The following ELF1 variants were observed in gnomAD, a reference collection of about 807,000 sequenced individuals.
The protein encoded by ELF1 is E74 like ETS transcription factor 1.
A neutral mutation model predicts 59.9 loss-of-function variants in ELF1; 24 were observed. The observed-to-expected ratio is 0.40, with a 90% CI of 0.29 to 0.56. The LOEUF (loss-of-function observed/expected upper bound fraction) is 0.56. ELF1 is among the 20% of genes least tolerant of loss of function. ELF1 has a pLI of 0.44. For missense variants in ELF1, 627 were observed against 742.2 expected (o/e 0.84, Z 1.80); for synonymous variants, 248 against 266.2 (o/e 0.93, Z 0.67).
rs1177462179 is a variant in ELF1 at position 40,994,728 on chromosome 13, G to C, written c.-228-12446C>G. ...TTCATTAAAAAGAAAACATAAACAT[G>C]CTAAAACGTCTTTATCAGCAAAACC... On this transcript the variant is annotated intron_variant, in intron 1 of 8. Transcript: ENST00000239882. Among the ~76,000 whole-genome samples the C allele has an allele frequency of 1.1e-4, 17 of 152,274 alleles. No individual in the cohort carries two copies. In the South Asian group the frequency reaches 3.3e-3, roughly 30 times the overall value.
chr13:41,060,907 C>T (rs1419324852), exon 1 of ELF1: 1 of 287,332 alleles, frequency 3.5e-6, no homozygotes, highest in Non-Finnish European at 6.6e-6. Context: ...GCTACTGAAG[C>T]TGCTGCTGCC....
At chr13:40,942,907 G>A in intron 7 of ELF1, 45 bp downstream of exon 7, 1 of 1,428,818 alleles carries the variant, frequency 7.0e-7, no homozygotes, top group Non-Finnish European at 9.3e-7. Flanking sequence ...TTACAATTTA[G>A]AAAATGATAT....
chr13:41,015,853 G>A (rs1401204744), intron 1 of ELF1, among the ~76,000 whole-genome samples: 1 of 152,144 alleles, frequency 6.6e-6, no homozygotes, highest in Non-Finnish European at 1.5e-5. Flanking sequence ...GTAGCCAAAG[G>A]TTTAATACAA....
intron 1 of ELF1, among the ~76,000 whole-genome samples, chr13:41,046,823 T>A (rs181113958): frequency 6.6e-6 from 1 of 152,342 alleles, no homozygotes; most frequent in African/African-American, 2.4e-5. Context: ...CAAATTTGAA[T>A]GTTGGCCTGC....
intron 2 of ELF1, among the ~76,000 whole-genome samples, chr13:40,969,386 T>G (rs1872384088): frequency 6.6e-6 from 1 of 152,236 alleles, no homozygotes; most frequent in South Asian, 2.1e-4. Context: ...GTTGTGTGTT[T>G]CTGGGTAACA....
At chr13:41,035,157 GC>G (rs1281760796) in intron 1 of ELF1, among the ~76,000 whole-genome samples, 1 of 152,184 alleles carries the variant, frequency 6.6e-6, no homozygotes, top group African/African-American at 2.4e-5. Context: ...ACTGCTATGC[GC>G]AAAGCACTCT....
At chr13:40,987,584 C>CAAAAAA (rs374604821) in intron 1 of ELF1, among the ~76,000 whole-genome samples, 8 of 68,288 alleles carry the variant, frequency 1.2e-4, no homozygotes, top group East Asian at 9.3e-4. Flanking sequence ...GACTCTGTCT[C>CAAAAAA]AAAAAAAAAA....
chr13:40,987,299 T>C (rs575405117), intron 1 of ELF1, among the ~76,000 whole-genome samples: 7 of 147,726 alleles, frequency 4.7e-5, no homozygotes, highest in African/African-American at 1.2e-4. Flanking sequence ...AATTAATAAA[T>C]AGTCCGGTGC....
At chr13:40,946,876 G>A (rs935798450) in intron 5 of ELF1, among the ~76,000 whole-genome samples, 2 of 152,104 alleles carry the variant, frequency 1.3e-5, no homozygotes. Flanking sequence ...GGTGGGGCTC[G>A]CCTGTAGTTT....
intron 5 of ELF1, among the ~76,000 whole-genome samples, chr13:40,946,085 C>T (rs1013231272): frequency 2.6e-5 from 4 of 152,120 alleles, no homozygotes. Flanking sequence ...GATGTCTGCC[C>T]GCCTCAGACT....
At chr13:41,019,947 C>G (rs1458232831), upstream of ELF1, among the ~76,000 whole-genome samples, 1 of 152,122 alleles carries the variant, frequency 6.6e-6, no homozygotes, top group African/African-American at 2.4e-5. Flanking sequence ...ATTTAAAGTC[C>G]AACAAAGCAA....
chr13:41,022,566 T>G (rs536357678), upstream of ELF1, among the ~76,000 whole-genome samples: 1 of 152,264 alleles, frequency 6.6e-6, no homozygotes, highest in African/African-American at 2.4e-5. Flanking sequence ...AAACCATACC[T>G]CAATAAAACT....
intron 1 of ELF1, among the ~76,000 whole-genome samples, chr13:40,999,092 T>G (rs991350658): frequency 6.6e-6 from 1 of 152,240 alleles, no homozygotes; most frequent in Non-Finnish European, 1.5e-5. Context: ...GTGCTATTAT[T>G]GATGGAGTTC....
chr13:41,052,465 A>T (rs1310233227), intron 1 of ELF1, among the ~76,000 whole-genome samples: 1 of 152,228 alleles, frequency 6.6e-6, no homozygotes, highest in Non-Finnish European at 1.5e-5. Context: ...AAAACCATTA[A>T]AGAAGACTAG....
chr13:41,055,146 T>C (rs1389884530), intron 1 of ELF1, among the ~76,000 whole-genome samples: 1 of 152,150 alleles, frequency 6.6e-6, no homozygotes, highest in African/African-American at 2.4e-5. Flanking sequence ...GAGGAGGATA[T>C]GTCCCCAGAC....
rs541285416 is a variant in ELF1, at chr13:41,059,873, A to C, written c.-229+965T>G. The stretch of plus-strand genomic sequence containing the variant: ...GGATGTTTTGCCGTTGTTTTAATCA[A>C]TTTTTTTCTTTAAATCAACCGCGCT... On this transcript the variant is annotated intron_variant, in intron 1 of 1. Transcript: ENST00000405737. Among the ~76,000 whole-genome samples, 3 of 152,078 alleles carry C rather than the reference A, an allele frequency of 2.0e-5. No homozygotes were observed. In the South Asian group the frequency reaches 6.2e-4, roughly 32 times the overall value.
chr13:40,984,373 G>A (rs923550482), intron 1 of ELF1, among the ~76,000 whole-genome samples: 4 of 152,118 alleles, frequency 2.6e-5, no homozygotes, highest in Non-Finnish European at 4.4e-5. Flanking sequence ...AAGACCAACC[G>A]GGGCAACATA....
At chr13:41,043,901 T>C (rs1233086119) in intron 1 of ELF1, among the ~76,000 whole-genome samples, 1 of 152,212 alleles carries the variant, frequency 6.6e-6, no homozygotes, top group Non-Finnish European at 1.5e-5. Flanking sequence ...TATGGCCATT[T>C]TTGCAATATT....
At chr13:40,956,861 T>G (rs4053845) in intron 3 of ELF1, among the ~76,000 whole-genome samples, 142 of 140,458 alleles carry the variant, frequency 1.0e-3, no homozygotes, top group East Asian at 2.3e-3. Context: ...TTGGCTAATT[T>G]TTGTATTTGT....
Sources: gnomAD v4.1 joint callset for allele counts (sites outside exome capture counted in the v4.1 genomes callset) on GRCh38, gnomAD v4.1.1 for gene constraint, MANE v1.5 for transcripts, NCBI Gene and HGNC (gene_info 2026-07-23, HGNC 2026-07-21) for gene names.